The following BCKDHB variants were observed in gnomAD, a reference collection of about 807,000 sequenced individuals.
BCKDHB encodes the protein branched chain keto acid dehydrogenase E1 subunit beta.
BCKDHB carries 41 observed loss-of-function variants against 48.5 expected under a neutral mutation model. The ratio of observed to expected loss-of-function variants is 0.85; its 90% CI spans 0.66 to 1.10. BCKDHB has a LOEUF of 1.10. BCKDHB is among the 50% of genes least tolerant of loss of function. The pLI is 0.00. For synonymous variants in BCKDHB, 201 were observed against 174.8 expected, an observed-to-expected ratio of 1.15 and a Z score of -1.18; for missense variants, 496 against 494.2, an observed-to-expected ratio of 1.00 and a Z score of -0.03.
intron 6 of BCKDHB, among the ~76,000 whole-genome samples, chr6:80,195,335 G>A (rs1271398746): frequency 2.0e-5 from 3 of 152,032 alleles, no homozygotes; most frequent in Non-Finnish European, 2.9e-5. Flanking sequence ...ATTACTAGAA[G>A]AAAGTGCACT....
chr6:80,235,492 C>T (rs1039314435), intron 8 of BCKDHB, among the ~76,000 whole-genome samples: 2 of 152,120 alleles, frequency 1.3e-5, no homozygotes, highest in Admixed American at 1.3e-4. Flanking sequence ...TAGAAGCCAG[C>T]TCCCAGAATA....
chr6:80,106,637 C>G, upstream of BCKDHB: 1 of 1,526,810 alleles, frequency 6.5e-7, no homozygotes, highest in Non-Finnish European at 8.8e-7. Context: ...GGGTGCTCCG[C>G]CCTCCCCGCA....
the BCKDHB span, among the ~76,000 whole-genome samples, chr6:80,377,231 G>A: frequency 4.6e-5 from 7 of 151,858 alleles, no homozygotes; most frequent in African/African-American, 1.7e-4. Context: ...TAGTAGAGAC[G>A]AGGTTTCACC....
intron 9 of BCKDHB, among the ~76,000 whole-genome samples, chr6:80,288,302 G>A (rs1434553847): frequency 6.7e-6 from 1 of 148,836 alleles, no homozygotes; most frequent in Admixed American, 6.9e-5. Context: ...ATTTAATAGT[G>A]AATTAAGGAT....
chr6:80,225,696 A>G (rs1280879367), intron 8 of BCKDHB, among the ~76,000 whole-genome samples: 2 of 152,204 alleles, frequency 1.3e-5, no homozygotes, highest in Non-Finnish European at 2.9e-5. Context: ...TTCCCTTCAC[A>G]GCAACATGAT....
At chr6:80,386,351 G>T in the BCKDHB span, among the ~76,000 whole-genome samples, 1 of 152,144 alleles carries the variant, frequency 6.6e-6, no homozygotes, top group Non-Finnish European at 1.5e-5. Context: ...AGAAAATGTA[G>T]TACATATATA....
the BCKDHB span, among the ~76,000 whole-genome samples, chr6:80,457,775 CCTAGTGTATAGAAA>C: frequency 6.6e-6 from 1 of 152,176 alleles, no homozygotes; most frequent in Non-Finnish European, 1.5e-5. Context: ...CTTATGGCTT[CCTAGTGTATAGAAA>C]CCTCACAAAT....
intron 9 of BCKDHB, among the ~76,000 whole-genome samples, chr6:80,316,405 C>A (rs912729768): frequency 3.3e-5 from 5 of 150,984 alleles, no homozygotes; most frequent in Non-Finnish European, 5.9e-5. Context: ...CCTTTTTTTC[C>A]TTTTGCATCG....
intron 8 of BCKDHB, among the ~76,000 whole-genome samples, chr6:80,267,435 A>G (rs940149558): frequency 2.0e-5 from 3 of 152,088 alleles, no homozygotes; most frequent in Admixed American, 2.0e-4. Context: ...GGGGTTTAAT[A>G]TAAGGGAAAG....
At chr6:80,191,588 T>C (rs1235556368) in intron 6 of BCKDHB, among the ~76,000 whole-genome samples, 1 of 152,210 alleles carries the variant, frequency 6.6e-6, no homozygotes, top group Non-Finnish European at 1.5e-5. Flanking sequence ...TGGTATTGGA[T>C]TGTGACTTAA....
intron 3 of BCKDHB, among the ~76,000 whole-genome samples, chr6:80,167,163 A>G (rs974160316): frequency 4.6e-5 from 7 of 151,976 alleles, no homozygotes; most frequent in Non-Finnish European, 7.4e-5. Context: ...TTTTTTCCTG[A>G]AAGTCTACTT....
chr6:80,459,719 C>A, the BCKDHB span, among the ~76,000 whole-genome samples: 1 of 152,034 alleles, frequency 6.6e-6, no homozygotes, highest in Non-Finnish European at 1.5e-5. Context: ...AATGCTTCAC[C>A]TTGTGGAAAG....
the BCKDHB span, among the ~76,000 whole-genome samples, chr6:80,365,571 C>T: frequency 5.3e-5 from 8 of 152,156 alleles, no homozygotes; most frequent in African/African-American, 1.9e-4. Flanking sequence ...GGCAGTCAGA[C>T]CTAATGGTTG....
chr6:80,126,829 A>G (rs559159080), intron 1 of BCKDHB, among the ~76,000 whole-genome samples: 26 of 152,274 alleles, frequency 1.7e-4, no homozygotes, highest in African/African-American at 4.6e-4. Flanking sequence ...GAAGAGTACT[A>G]AGGTGAAGAT....
intron 9 of BCKDHB, among the ~76,000 whole-genome samples, chr6:80,325,255 T>A (rs1562231081): frequency 6.6e-6 from 1 of 152,202 alleles, no homozygotes; most frequent in Non-Finnish European, 1.5e-5. Flanking sequence ...ACTGATCCTT[T>A]TTTGAAAAAA....
chr6:80,339,844 A>T (rs997083989), intron 9 of BCKDHB, among the ~76,000 whole-genome samples: 6 of 152,094 alleles, frequency 3.9e-5, no homozygotes, highest in African/African-American at 1.2e-4. Context: ...TCCTAATTCA[A>T]TTTTTTCCCT....
chr6:80,399,321 G>A, the BCKDHB span, among the ~76,000 whole-genome samples: 13 of 152,058 alleles, frequency 8.5e-5, no homozygotes, highest in African/African-American at 3.1e-4. Context: ...CTGTCCGTTT[G>A]CAAACAACAT....
rs1055240288 is a variant in BCKDHB at position 80,345,080 on chromosome 6, G to T, written c.*1276G>T. ...ATTTTTTACATAATGGATAATAAAT[G>T]GTATTTATTCATCATGATTTTCTAA... On this transcript the variant is annotated 3_prime_UTR_variant, in exon 10 of 10. Transcript: ENST00000320393. The T allele has an allele frequency of 6.6e-6, 1 of 152,074 alleles. No homozygotes were observed. Among genetic ancestry groups the T allele is most frequent in the Non-Finnish European group, 1.5e-5 (1 of 68,014 alleles). The allele number at this position is 152,074 out of a possible 1,614,324, so 9.4% of individuals were successfully genotyped here.
chr6:80,260,147 C>T (rs1343385879), intron 8 of BCKDHB, among the ~76,000 whole-genome samples: 1 of 152,080 alleles, frequency 6.6e-6, no homozygotes, highest in Non-Finnish European at 1.5e-5. Flanking sequence ...CCGCTAGTTG[C>T]CTGGCCCAGC....
Sources: gnomAD v4.1 joint callset for allele counts (sites outside exome capture counted in the v4.1 genomes callset) on GRCh38, gnomAD v4.1.1 for gene constraint, MANE v1.5 for transcripts, NCBI Gene and HGNC (gene_info 2026-07-23, HGNC 2026-07-21) for gene names.